The following INPP4B variants were observed in gnomAD, a reference collection of about 807,000 sequenced individuals.
INPP4B encodes inositol polyphosphate 4-phosphatase type II.
In INPP4B, 55 loss-of-function variants were observed where a neutral mutation model predicts 122.5. That is an observed-to-expected ratio of 0.45 (90% CI 0.36 to 0.56). The LOEUF is 0.56. Ranked by LOEUF, INPP4B falls within the 20% of genes least tolerant of loss-of-function variation. The probability of loss-of-function intolerance (pLI) is 0.00; values close to 1 mark genes in which losing one functional copy is unlikely to be tolerated. For synonymous variants in INPP4B, 403 were observed against 388.7 expected (o/e 1.04, Z -0.43); for missense variants, 1,000 against 1,097.7 (o/e 0.91, Z 1.26).
intron 12 of INPP4B, among the ~76,000 whole-genome samples, chr4:142,222,125 A>G (rs1290749616): frequency 6.6e-6 from 1 of 152,100 alleles, no homozygotes; most frequent in East Asian, 1.9e-4. Flanking sequence ...ACACCCAGCT[A>G]ATTTTTGTAG....
At chr4:142,564,271 C>T (rs1731101382) in intron 2 of INPP4B, among the ~76,000 whole-genome samples, 1 of 152,104 alleles carries the variant, frequency 6.6e-6, no homozygotes, top group Middle Eastern at 3.4e-3. Context: ...GAGCAGAGAA[C>T]ACCTCAGTGA....
chr4:142,622,585 G>T (rs1745202581), intron 2 of INPP4B, among the ~76,000 whole-genome samples: 2 of 152,052 alleles, frequency 1.3e-5, no homozygotes, highest in South Asian at 4.2e-4. Context: ...AAAATATCAT[G>T]CGGGAAATTC....
chr4:142,560,346 T>C (rs1464059636), intron 2 of INPP4B: 2 of 152,230 alleles, frequency 1.3e-5, no homozygotes, highest in Non-Finnish European at 2.9e-5. Context: ...TTCTTAATTC[T>C]GAAAGCTCAC....
chr4:142,655,629 C>A (rs907127002), intron 2 of INPP4B, among the ~76,000 whole-genome samples: 1 of 152,120 alleles, frequency 6.6e-6, no homozygotes, highest in Admixed American at 6.5e-5. Flanking sequence ...CAAAAGCATT[C>A]TTTAAAGCTA....
Position 142,746,244 on chromosome 4 carries a change from T to G in INPP4B, c.-253-20343A>C, listed in dbSNP as rs185841599. On this transcript the variant is annotated intron_variant, in intron 1 of 25. Coordinates refer to ENST00000262992, the MANE Select transcript of INPP4B (RefSeq NM_001101669.3). Reference sequence around the variant, plus strand: ...TACACTAATAATAGACAAACAAGAGTGGAATCATGAGTGAACTCCCATTCA... The same window carrying G: ...TACACTAATAATAGACAAACAAGAGGGGAATCATGAGTGAACTCCCATTCA... Among the ~76,000 whole-genome samples, 16 of 150,208 alleles carry G rather than the reference T, an allele frequency of 1.1e-4. No homozygotes were observed. The East Asian group carries it at 1.2e-3, about 11-fold the overall frequency.
At position 142,477,880 on chromosome 4, in the gene INPP4B, C is replaced by T. The variant is rs1028678217; in HGVS notation, c.-190-15154G>A. ...AGAGCTGATACCATTTGTAGTGAAA[C>T]TATTCCAAAAAATTAAAGAGAAGGG... On this transcript the variant is annotated intron_variant, in intron 2 of 25. Transcript: ENST00000262992. 2.0e-5 allele frequency among the ~76,000 whole-genome samples: 3 copies of T among 152,106 alleles called. No homozygotes were observed. The South Asian group carries it at 6.2e-4, about 32-fold the overall frequency.
chr4:142,740,005 G>A (rs1397050663), intron 1 of INPP4B, among the ~76,000 whole-genome samples: 1 of 152,002 alleles, frequency 6.6e-6, no homozygotes, highest in Non-Finnish European at 1.5e-5. Context: ...GGTAGTTTAT[G>A]TGCATAACGC....
At chr4:142,034,891 A>T (rs2152296033) in intron 25 of INPP4B, among the ~76,000 whole-genome samples, 1 of 152,080 alleles carries the variant, frequency 6.6e-6, no homozygotes, top group East Asian at 1.9e-4. Flanking sequence ...ATGAAGTTAA[A>T]CCCTCCTGGC....
At chr4:142,699,905 C>T (rs555683422) in intron 2 of INPP4B, among the ~76,000 whole-genome samples, 3 of 152,158 alleles carry the variant, frequency 2.0e-5, no homozygotes, top group Non-Finnish European at 4.4e-5. Context: ...CTTGCCTACT[C>T]AAGGGCATCA....
chr4:142,629,237 G>A (rs1260578896), intron 2 of INPP4B, among the ~76,000 whole-genome samples: 1 of 152,010 alleles, frequency 6.6e-6, no homozygotes, highest in Admixed American at 6.6e-5. Flanking sequence ...AATGATCATT[G>A]AGCTGAGCAT....
intron 10 of INPP4B, among the ~76,000 whole-genome samples, chr4:142,268,866 A>C (rs2150532814): frequency 6.6e-6 from 1 of 152,276 alleles, no homozygotes; most frequent in Middle Eastern, 3.4e-3. Context: ...AACACACAAA[A>C]AACTGCCTTT....
At chr4:142,228,249 A>C (rs1379462710) in intron 12 of INPP4B, among the ~76,000 whole-genome samples, 9 of 152,112 alleles carry the variant, frequency 5.9e-5, no homozygotes, top group Non-Finnish European at 4.4e-5. Context: ...AAAAGAAAAA[A>C]TTAAGACAAC....
intron 25 of INPP4B, among the ~76,000 whole-genome samples, chr4:142,066,864 C>T (rs1289257481): frequency 1.3e-5 from 2 of 152,212 alleles, no homozygotes; most frequent in African/African-American, 4.8e-5. Flanking sequence ...CTCAAGGAGG[C>T]CTGCCTGTCT....
At chr4:142,226,199 A>G (rs1851505513) in intron 12 of INPP4B, among the ~76,000 whole-genome samples, 2 of 152,170 alleles carry the variant, frequency 1.3e-5, no homozygotes, top group South Asian at 4.1e-4. Flanking sequence ...AGGACTATAA[A>G]GTTTGAAGCA....
At chr4:142,741,683 G>A (rs1345928766) in intron 1 of INPP4B, among the ~76,000 whole-genome samples, 1 of 151,972 alleles carries the variant, frequency 6.6e-6, no homozygotes, top group East Asian at 1.9e-4. Flanking sequence ...CAACTTCAGA[G>A]AGGGACTTAA....
chr4:142,322,764 C>T (rs1316888005), intron 7 of INPP4B, among the ~76,000 whole-genome samples: 2 of 152,256 alleles, frequency 1.3e-5, no homozygotes, highest in South Asian at 2.1e-4. Flanking sequence ...TTGTTATTAA[C>T]CTTGACAACA....
chr4:142,230,685 C>A (rs1853929265), intron 12 of INPP4B, among the ~76,000 whole-genome samples: 1 of 150,442 alleles, frequency 6.6e-6, no homozygotes, highest in South Asian at 2.1e-4. Flanking sequence ...ACAAAATTGC[C>A]TTCCTTGGTG....
chr4:142,253,340 T>G (rs543564662), intron 11 of INPP4B, among the ~76,000 whole-genome samples: 1 of 152,160 alleles, frequency 6.6e-6, no homozygotes, highest in East Asian at 1.9e-4. Context: ...AATAATAAAT[T>G]AACAGAGGAG....
At chr4:142,739,605 G>A (rs1443183) in intron 1 of INPP4B, among the ~76,000 whole-genome samples, 47,976 of 151,646 alleles carry the variant, frequency 0.32, 7,767 homozygotes, top group South Asian at 0.43. Flanking sequence ...ACAAAATGTA[G>A]AAAGACAGAA....
Sources: allele counts gnomAD v4.1 joint callset (sites outside exome capture counted in the v4.1 genomes callset), GRCh38; gene constraint gnomAD v4.1.1; transcripts MANE v1.5; gene names NCBI Gene and HGNC (gene_info 2026-07-23, HGNC 2026-07-21).